The following AFAP1L2 variants were observed in gnomAD, a reference collection of about 807,000 sequenced individuals.
The protein encoded by AFAP1L2 is actin filament-associated protein 1-like 2.
AFAP1L2 carries 46 observed loss-of-function variants against 99.3 expected under a neutral mutation model. The ratio of observed to expected loss-of-function variants is 0.46; its 90% CI spans 0.37 to 0.59. The LOEUF (loss-of-function observed/expected upper bound fraction) is 0.59. Among genes scored for constraint, AFAP1L2 ranks in the 20% least tolerant of loss-of-function variants. AFAP1L2 has a pLI of 0.00. For missense variants in AFAP1L2, 959 were observed against 1,034.9 expected (o/e 0.93, Z 1.01); for synonymous variants, 397 against 419.1 (o/e 0.95, Z 0.64).
At chr10:114,319,011 G>A (rs564785416) in intron 5 of AFAP1L2, among the ~76,000 whole-genome samples, 11 of 152,056 alleles carry the variant, frequency 7.2e-5, no homozygotes, top group South Asian at 2.1e-4. Context: ...AAAATTAGCC[G>A]GTCATGGTGA....
intron 2 of AFAP1L2, among the ~76,000 whole-genome samples, chr10:114,335,294 G>C: frequency 6.6e-6 from 1 of 151,910 alleles, no homozygotes; most frequent in East Asian, 1.9e-4. Context: ...CTACAATACT[G>C]CATGATTTTT....
At chr10:114,355,341 G>A (rs1182242502) in intron 1 of AFAP1L2, among the ~76,000 whole-genome samples, 2 of 149,072 alleles carry the variant, frequency 1.3e-5, no homozygotes, top group Non-Finnish European at 3.0e-5. Context: ...TGCAAGCTCC[G>A]CCTCCCGGAT....
chr10:114,348,344 G>A (rs1360975772), intron 1 of AFAP1L2, among the ~76,000 whole-genome samples: 3 of 152,104 alleles, frequency 2.0e-5, no homozygotes, highest in South Asian at 2.1e-4. Flanking sequence ...CCCACTACCC[G>A]AGAAAGTTTC....
chr10:114,347,024 C>A (rs936747351), intron 1 of AFAP1L2, among the ~76,000 whole-genome samples: 1 of 152,208 alleles, frequency 6.6e-6, no homozygotes, highest in Non-Finnish European at 1.5e-5. Flanking sequence ...TTTATTTATT[C>A]AGCTGCATTT....
At chr10:114,363,367 G>A (rs926003182) in intron 1 of AFAP1L2, among the ~76,000 whole-genome samples, 1 of 152,172 alleles carries the variant, frequency 6.6e-6, no homozygotes, top group Non-Finnish European at 1.5e-5. Context: ...ATTCTTGAGA[G>A]CTAGTCCGCT....
chr10:114,317,357 T>C (rs931666178), intron 5 of AFAP1L2, among the ~76,000 whole-genome samples: 3 of 152,210 alleles, frequency 2.0e-5, no homozygotes, highest in African/African-American at 7.2e-5. Context: ...TATAAAAGTG[T>C]ATAATTTATA....
chr10:114,286,140 A>T, the AFAP1L2 span: 2 of 1,614,078 alleles, frequency 1.2e-6, no homozygotes, highest in East Asian at 4.5e-5. Flanking sequence ...GTGGGGGAGT[A>T]CCAGGATGTG....
At position 114,295,971 on chromosome 10, in the gene AFAP1L2, T is replaced by G. The variant is rs1439183216; in HGVS notation, c.*71A>C. The G allele has an allele frequency of 6.2e-7, 1 of 1,613,228 alleles. No homozygotes were observed. Among genetic ancestry groups the G allele is most frequent in the African/African-American group, 1.3e-5 (1 of 74,900 alleles). Reference sequence around the variant, plus strand: ...AACAGACTCACCCTTTCGCATAGTTTTTGCTTTAACAAAGCAGGATTGTCA... The same window carrying G: ...AACAGACTCACCCTTTCGCATAGTTGTTGCTTTAACAAAGCAGGATTGTCA... On this transcript the variant is annotated 3_prime_UTR_variant, in exon 19 of 19. Transcript: ENST00000304129.
At chr10:114,318,748 G>GAAAAAAAA (rs58243775) in intron 5 of AFAP1L2, among the ~76,000 whole-genome samples, 8 of 118,888 alleles carry the variant, frequency 6.7e-5, no homozygotes, top group Non-Finnish European at 1.0e-4. Context: ...CTAAAAAAAA[G>GAAAAAAAA]AAAAAAAAAA....
At chr10:114,330,605 G>A (rs1261214851) in intron 4 of AFAP1L2, among the ~76,000 whole-genome samples, 2 of 152,206 alleles carry the variant, frequency 1.3e-5, no homozygotes, top group East Asian at 1.9e-4. Flanking sequence ...CGAGACAGAT[G>A]TGAGCATTTC....
At chr10:114,340,517 T>C (rs2048664107) in intron 2 of AFAP1L2, 86 bp downstream of exon 2, 1 of 1,491,116 alleles carries the variant, frequency 6.7e-7, no homozygotes, top group African/African-American at 1.4e-5. Flanking sequence ...ACCCAGCCTG[T>C]GATCCTTAGC....
intron 1 of AFAP1L2, among the ~76,000 whole-genome samples, chr10:114,382,014 T>C (rs2055698281): frequency 6.6e-6 from 1 of 152,204 alleles, no homozygotes; most frequent in African/African-American, 2.4e-5. Flanking sequence ...CTAAGTTTGA[T>C]ACCAATTTGT....
At chr10:114,347,962 G>A (rs1286259709) in intron 1 of AFAP1L2, among the ~76,000 whole-genome samples, 1 of 152,182 alleles carries the variant, frequency 6.6e-6, no homozygotes, top group Non-Finnish European at 1.5e-5. Flanking sequence ...TCCTTAGGCA[G>A]TGACTTCCCT....
chr10:114,386,137 C>A (rs752636620), intron 1 of AFAP1L2, among the ~76,000 whole-genome samples: 6 of 152,170 alleles, frequency 3.9e-5, no homozygotes, highest in Non-Finnish European at 7.3e-5. Context: ...GGTCCCAGGC[C>A]CTCGGTAACC....
At chr10:114,318,666 C>A (rs7903547) in intron 5 of AFAP1L2, among the ~76,000 whole-genome samples, 107,372 of 148,290 alleles carry the variant, frequency 0.72, 40,586 homozygotes, top group East Asian at 0.93. Context: ...TCATTTGAAC[C>A]AGGAAGTGGA....
intron 9 of AFAP1L2, 104 bp downstream of exon 9, chr10:114,308,329 A>T: frequency 1.0e-6 from 1 of 960,172 alleles, no homozygotes. Flanking sequence ...GTTTATTAAT[A>T]GGGGGCCATG....
chr10:114,296,818 G>C, intron 18 of AFAP1L2, 160 bp downstream of exon 18: 1 of 1,239,518 alleles, frequency 8.1e-7, no homozygotes, highest in Admixed American at 2.1e-5. Context: ...CAGAGACTGA[G>C]CTGAAGGCAT....
At chr10:114,382,389 T>C (rs1343159411) in intron 1 of AFAP1L2, among the ~76,000 whole-genome samples, 1 of 152,116 alleles carries the variant, frequency 6.6e-6, no homozygotes, top group Admixed American at 6.6e-5. Flanking sequence ...CTCACTTACA[T>C]GTGAGAGCTA....
chr10:114,314,826 C>A (rs539558377), intron 6 of AFAP1L2, among the ~76,000 whole-genome samples: 2 of 152,114 alleles, frequency 1.3e-5, no homozygotes, highest in East Asian at 3.9e-4. Context: ...AGATACCTAG[C>A]ATTCTCATGC....
Sources: allele counts gnomAD v4.1 joint callset (sites outside exome capture counted in the v4.1 genomes callset), GRCh38; gene constraint gnomAD v4.1.1; transcripts MANE v1.5; gene names NCBI Gene and HGNC (gene_info 2026-07-23, HGNC 2026-07-21).